RAB6A: variants seen among roughly 807,000 people sequenced by gnomAD.
The protein encoded by RAB6A is RAB6A, member RAS oncogene family, also known as ras-related protein Rab-6A.
Under a neutral mutation model 32.3 loss-of-function variants are expected in RAB6A, and 8 were observed. That is an observed-to-expected ratio of 0.25 (90% CI 0.15 to 0.45). The LOEUF is 0.45. RAB6A is among the 20% of genes least tolerant of loss of function. The probability of loss-of-function intolerance (pLI) is 1.00; values close to 1 mark genes in which losing one functional copy is unlikely to be tolerated. For synonymous variants in RAB6A, 73 were observed against 82.1 expected (o/e 0.89, Z 0.60); for missense variants, 104 against 249.4 (o/e 0.42, Z 3.93).
rs756237159 is a variant in RAB6A, at chr11:73,736,809, G to GAAAA, written c.71-5990_71-5987dup. Among the ~76,000 whole-genome samples, 114 of 108,764 alleles carry GAAAA rather than the reference G, an allele frequency of 1.0e-3. 1 individual carries two copies. Among genetic ancestry groups the GAAAA allele is most frequent in the African/African-American group, 3.9e-3 (103 of 26,644 alleles). 71.4% of individuals were successfully genotyped at this position (108,764 alleles called of 152,430 possible). On this transcript the variant is annotated intron_variant, in intron 1 of 7. Coordinates refer to ENST00000336083, the MANE Select transcript of RAB6A (RefSeq NM_198896.2). ...TTCATCTCGAGAAAGAAAAAAAAAA[G>GAAAA]AAAAAAAAAAAAAAAAACAATTAGC...
rs1157492816 is a variant in RAB6A at position 73,730,749 on chromosome 11, G to A, written c.129+16C>T. 1.3e-6 allele frequency: 2 copies of A among 1,580,084 alleles called. No individual in the cohort carries two copies. Among genetic ancestry groups the A allele is most frequent in the Non-Finnish European group, 1.7e-6 (2 of 1,159,118 alleles). On this transcript the variant is annotated intron_variant, in intron 2 of 7. Transcript: ENST00000336083. ...ACAAAAAATAGACAACAAATAAATT[G>A]GCAAAAACAAAATACCTGATAGGTG...
In RAB6A at chr11:73,749,417, G is replaced by A. The variant is rs533782250; in HGVS notation, c.70+11149C>T. On this transcript the variant is annotated intron_variant, in intron 1 of 7. Coordinates refer to ENST00000336083, the MANE Select transcript of RAB6A (RefSeq NM_198896.2). ...ACACTGGGTAGAGTGTACACTGCTC[G>A]GGTGATGGGTGCACCAAAATCTCAT... Among the ~76,000 whole-genome samples, 11 of 152,248 alleles carry A rather than the reference G, an allele frequency of 7.2e-5. No individual in the cohort carries two copies. The East Asian group carries it at 2.1e-3, about 29-fold the overall frequency.
intron 1 of RAB6A, among the ~76,000 whole-genome samples, chr11:73,746,528 G>A (rs1029214041): frequency 1.4e-4 from 22 of 151,938 alleles, no homozygotes; most frequent in Admixed American, 8.5e-4. Context: ...CCAGCACTTT[G>A]GGAGGCCAAG....
intron 6 of RAB6A, among the ~76,000 whole-genome samples, chr11:73,705,556 A>C (rs933324755): frequency 2.6e-5 from 4 of 152,162 alleles, no homozygotes; most frequent in African/African-American, 9.7e-5. Context: ...CAAATAAAAA[A>C]ATAAATAAAT....
intron 6 of RAB6A, among the ~76,000 whole-genome samples, chr11:73,687,226 G>T (rs112242025): frequency 2.0e-5 from 3 of 152,106 alleles, no homozygotes; most frequent in Non-Finnish European, 4.4e-5. Flanking sequence ...GCTGGGGGAA[G>T]GGGGAAATAA....
At chr11:73,682,638 G>A (rs926844198) in intron 6 of RAB6A, among the ~76,000 whole-genome samples, 1 of 152,124 alleles carries the variant, frequency 6.6e-6, no homozygotes, top group African/African-American at 2.4e-5. Flanking sequence ...ACTCCACCCT[G>A]GGCAACAGAG....
chr11:73,698,265 G>A (rs1049560821), intron 6 of RAB6A, among the ~76,000 whole-genome samples: 1 of 152,252 alleles, frequency 6.6e-6, no homozygotes, highest in East Asian at 1.9e-4. Flanking sequence ...CTGTGTTAAG[G>A]ATATGAAACA....
intron 6 of RAB6A, among the ~76,000 whole-genome samples, chr11:73,695,006 C>T (rs1945634387): frequency 6.6e-6 from 1 of 151,992 alleles, no homozygotes; most frequent in Non-Finnish European, 1.5e-5. Flanking sequence ...ACACGCAAGA[C>T]TGTGTCTCAA....
chr11:73,686,168 A>G (rs1945453091), intron 6 of RAB6A, among the ~76,000 whole-genome samples: 1 of 152,190 alleles, frequency 6.6e-6, no homozygotes, highest in Non-Finnish European at 1.5e-5. Flanking sequence ...AATATCTAGA[A>G]ATTGTCCTCA....
Position 73,713,308 on chromosome 11 carries a change from C to G in RAB6A, c.401+2943G>C, listed in dbSNP as rs868223898. On this transcript the variant is annotated intron_variant, in intron 5 of 7. Coordinates refer to ENST00000336083, the MANE Select transcript of RAB6A (RefSeq NM_198896.2). The stretch of plus-strand genomic sequence containing the variant: ...TTTCAGGGCTGGGTGTGGTGGCTCA[C>G]GCCTGTAATCCCAGCACTTTGGGAG... Among the ~76,000 whole-genome samples, 4 of 152,162 alleles carry G rather than the reference C, an allele frequency of 2.6e-5. 1 individual carries two copies. Among genetic ancestry groups the G allele is most frequent in the Middle Eastern group, 6.3e-3 (2 of 316 alleles).
chr11:73,726,909 A>C (rs1343155229), intron 2 of RAB6A, among the ~76,000 whole-genome samples: 1 of 152,150 alleles, frequency 6.6e-6, no homozygotes, highest in Non-Finnish European at 1.5e-5. Flanking sequence ...AGGATACAAG[A>C]CTGTGGTCTG....
chr11:73,682,920 A>C (rs186108788), intron 6 of RAB6A, among the ~76,000 whole-genome samples: 1 of 152,342 alleles, frequency 6.6e-6, no homozygotes, highest in Non-Finnish European at 1.5e-5. Context: ...TAAAAGCAGA[A>C]TATAAACTTT....
chr11:73,693,164 T>C (rs1369722264), intron 6 of RAB6A, among the ~76,000 whole-genome samples: 1 of 152,032 alleles, frequency 6.6e-6, no homozygotes, highest in Non-Finnish European at 1.5e-5. Context: ...GGCACACGCC[T>C]GTAATCCCAG....
chr11:73,723,997 T>G (rs565812472), intron 2 of RAB6A, among the ~76,000 whole-genome samples: 1 of 152,322 alleles, frequency 6.6e-6, no homozygotes, highest in East Asian at 1.9e-4. Context: ...TTTATGTATG[T>G]CAATTCCTGT....
chr11:73,718,848 G>A (rs1162494305), intron 3 of RAB6A, 130 bp from the exon 4 acceptor site: 3 of 1,613,620 alleles, frequency 1.9e-6, no homozygotes, highest in African/African-American at 1.3e-5. Context: ...ATGAGGCTAC[G>A]GAAACGTTCC....
chr11:73,733,633 T>C (rs894712198), intron 1 of RAB6A, among the ~76,000 whole-genome samples: 1 of 151,832 alleles, frequency 6.6e-6, no homozygotes, highest in East Asian at 1.9e-4. Context: ...AAATGAAATA[T>C]TACAATGACA....
intron 2 of RAB6A, among the ~76,000 whole-genome samples, chr11:73,724,285 C>T (rs879606855): frequency 2.0e-5 from 3 of 152,128 alleles, no homozygotes; most frequent in Non-Finnish European, 4.4e-5. Flanking sequence ...TTAGTTCGAA[C>T]ATCAAAGTAC....
chr11:73,730,247 C>T lies in RAB6A; in HGVS notation c.129+518G>A, dbSNP rs191460925. ...CTCTTTTCTTTTTTGTATAGCACTGCTTTAGTTGTATACCATAAGTTTTGG... is the reference window on the plus strand; with the variant it reads ...CTCTTTTCTTTTTTGTATAGCACTGTTTTAGTTGTATACCATAAGTTTTGG... On this transcript the variant is annotated intron_variant, in intron 2 of 7. Coordinates refer to ENST00000336083, the MANE Select transcript of RAB6A (RefSeq NM_198896.2). The T allele has an allele frequency of 9.3e-3, 1,411 of 152,476 alleles. 18 individuals are homozygous for T. Among genetic ancestry groups the T allele is most frequent in the Middle Eastern group, 0.034 (10 of 296 alleles). 9.4% of individuals were successfully genotyped at this position (152,476 alleles called of 1,614,324 possible).
intron 6 of RAB6A, among the ~76,000 whole-genome samples, chr11:73,707,173 G>C (rs891277953): frequency 4.0e-5 from 6 of 150,626 alleles, no homozygotes; most frequent in Admixed American, 6.6e-5. Context: ...AAGCAATGTA[G>C]TAGGAATGTA....
Sources: gnomAD v4.1 joint callset for allele counts (sites outside exome capture counted in the v4.1 genomes callset) on GRCh38, gnomAD v4.1.1 for gene constraint, MANE v1.5 for transcripts, NCBI Gene and HGNC (gene_info 2026-07-23, HGNC 2026-07-21) for gene names.